Variants in DTNB observed in about 807,000 individuals in gnomAD.
DTNB encodes the protein DTN-B.
In DTNB, 63 loss-of-function variants were observed where a neutral mutation model predicts 90.7. The observed-to-expected ratio is 0.69, with a 90% CI of 0.57 to 0.86. The LOEUF (loss-of-function observed/expected upper bound fraction) is 0.86, where lower values mean the gene tolerates loss of function less well. Among genes scored for constraint, DTNB ranks in the 40% least tolerant of loss-of-function variants. The probability of loss-of-function intolerance (pLI) is 0.00; values close to 1 mark genes in which losing one functional copy is unlikely to be tolerated. For missense variants in DTNB, 744 were observed against 807.1 expected (o/e 0.92, Z 0.95); for synonymous variants, 277 against 286.7 (o/e 0.97, Z 0.34).
At chr2:25,669,883 C>A (rs968872616) in intron 1 of DTNB, among the ~76,000 whole-genome samples, 1 of 149,138 alleles carries the variant, frequency 6.7e-6, no homozygotes, top group East Asian at 2.0e-4. Context: ...CCAGTCTGGG[C>A]GACAGAGGAA....
chr2:25,654,203 A>G (rs1186933922), intron 1 of DTNB, among the ~76,000 whole-genome samples: 1 of 152,232 alleles, frequency 6.6e-6, no homozygotes, highest in Non-Finnish European at 1.5e-5. Flanking sequence ...TTAAAGCAAT[A>G]TAACTCCCTG....
At chr2:25,414,618 T>C (rs1010490816) in intron 16 of DTNB, among the ~76,000 whole-genome samples, 1 of 152,160 alleles carries the variant, frequency 6.6e-6, no homozygotes, top group African/African-American at 2.4e-5. Context: ...TGGGAGTGCC[T>C]TGAGCAAAAT....
chr2:25,521,999 T>C (rs1156649462), intron 9 of DTNB, among the ~76,000 whole-genome samples: 1 of 152,212 alleles, frequency 6.6e-6, no homozygotes. Context: ...TAACCACTAA[T>C]TAAAGAGATT....
intron 8 of DTNB, among the ~76,000 whole-genome samples, chr2:25,564,363 C>G (rs1251576410): frequency 1.3e-5 from 2 of 151,856 alleles, no homozygotes; most frequent in Non-Finnish European, 2.9e-5. Flanking sequence ...TGTCTATTTC[C>G]TTAGGTCTTA....
chr2:25,568,903 T>C (rs1218948628), intron 8 of DTNB, among the ~76,000 whole-genome samples: 1 of 152,162 alleles, frequency 6.6e-6, no homozygotes, highest in East Asian at 1.9e-4. Context: ...GCTGCACTCC[T>C]CCCACCGCCT....
chr2:25,434,020 G>T (rs771675781), intron 12 of DTNB, 25 bp from the exon 13 acceptor site: 1 of 1,359,404 alleles, frequency 7.4e-7, no homozygotes, highest in Non-Finnish European at 1.0e-6. Flanking sequence ...TCGGGAGAAA[G>T]TTTTTTTTTT....
intron 9 of DTNB, among the ~76,000 whole-genome samples, chr2:25,500,186 C>A (rs1191590797): frequency 6.6e-6 from 1 of 152,168 alleles, no homozygotes; most frequent in Non-Finnish European, 1.5e-5. Context: ...CAGGAGTGAG[C>A]CACTGTGCCA....
At chr2:25,535,196 G>C (rs905691314) in intron 8 of DTNB, among the ~76,000 whole-genome samples, 8 of 150,548 alleles carry the variant, frequency 5.3e-5, no homozygotes, top group Non-Finnish European at 8.9e-5. Flanking sequence ...GGGCAGCCGG[G>C]CAGAGGCACT....
intron 1 of DTNB, among the ~76,000 whole-genome samples, chr2:25,660,513 GTGATGGT>G (rs917307109): frequency 8.5e-5 from 13 of 152,160 alleles, no homozygotes; most frequent in African/African-American, 2.9e-4. Flanking sequence ...GAAATTAATA[GTGATGGT>G]TGCACAACTC....
In DTNB at chr2:25,482,842, T is replaced by A; in HGVS notation, c.1033A>T (p.Thr345Ser). 1 of 1,612,326 alleles carries A rather than the reference T, an allele frequency of 6.2e-7. No individual in the cohort carries two copies. The highest frequency in any genetic ancestry group is 8.5e-7 in the Non-Finnish European group (1 of 1,179,474). Residue 345 changes from threonine (T) to serine (S), a missense_variant, in exon 10 of 21, where the codon ACC becomes TCC. By Grantham distance (58) the Thr-to-Ser change is moderately conservative. Transcript: ENST00000406818. ...PPRPLTNMNDTMVSHMSSGVP... is the reference protein window; with the variant it reads ...PPRPLTNMNDSMVSHMSSGVP... Reference sequence around the variant, plus strand: ...CCAGAGGACATGTGGCTAACCATGGTGTCATTCATATTAGTCAGAGGGCGA... The same window carrying A: ...CCAGAGGACATGTGGCTAACCATGGAGTCATTCATATTAGTCAGAGGGCGA...
chr2:25,379,262 G>T, intron 20 of DTNB, 28 bp downstream of exon 20: 1 of 1,325,522 alleles, frequency 7.5e-7, no homozygotes, highest in Non-Finnish European at 9.7e-7. Flanking sequence ...GAGGGGCCGT[G>T]GGGAGGCAGA....
chr2:25,613,411 T>G (rs957071981), intron 4 of DTNB, among the ~76,000 whole-genome samples: 14 of 152,176 alleles, frequency 9.2e-5, no homozygotes, highest in Non-Finnish European at 1.9e-4. Context: ...GTCCCCACTC[T>G]AGCAGTCCCC....
At chr2:25,531,105 A>G (rs1021805632) in intron 9 of DTNB, among the ~76,000 whole-genome samples, 2 of 152,226 alleles carry the variant, frequency 1.3e-5, no homozygotes, top group African/African-American at 4.8e-5. Flanking sequence ...TGTTGTCTAC[A>G]TTAATTTAAG....
At chr2:25,645,256 G>A (rs947297992) in intron 2 of DTNB, among the ~76,000 whole-genome samples, 3 of 151,260 alleles carry the variant, frequency 2.0e-5, no homozygotes, top group African/African-American at 4.9e-5. Flanking sequence ...GGTGGTGCAC[G>A]CCTGTAATCC....
chr2:25,409,051 G>A (rs2045977050), intron 16 of DTNB, among the ~76,000 whole-genome samples: 2 of 152,190 alleles, frequency 1.3e-5, no homozygotes, highest in African/African-American at 4.8e-5. Flanking sequence ...GGGCATCAGG[G>A]ATGCAGCTGA....
intron 9 of DTNB, among the ~76,000 whole-genome samples, chr2:25,503,011 G>A (rs1309213867): frequency 7.9e-6 from 1 of 126,838 alleles, no homozygotes; most frequent in Admixed American, 9.8e-5. Context: ...CCATGATTGT[G>A]CCTCTGCATT....
chr2:25,627,196 T>C (rs2074363170), intron 4 of DTNB, among the ~76,000 whole-genome samples: 2 of 152,184 alleles, frequency 1.3e-5, no homozygotes, highest in Admixed American at 1.3e-4. Context: ...GCGGATCACC[T>C]GAGGTCGGGA....
intron 8 of DTNB, among the ~76,000 whole-genome samples, chr2:25,567,390 G>A (rs1006197749): frequency 5.3e-5 from 8 of 152,158 alleles, no homozygotes; most frequent in African/African-American, 1.4e-4. Flanking sequence ...GGTCTGTCAC[G>A]AGAAAATTTG....
At chr2:25,422,692 C>T (rs759881742) in intron 15 of DTNB, among the ~76,000 whole-genome samples, 15 of 152,118 alleles carry the variant, frequency 9.9e-5, no homozygotes, top group Middle Eastern at 3.2e-3. Flanking sequence ...GCCACCACGC[C>T]TGGCCTGGTA....
Sources: allele counts gnomAD v4.1 joint callset (sites outside exome capture counted in the v4.1 genomes callset), GRCh38; gene constraint gnomAD v4.1.1; transcripts MANE v1.5; gene names NCBI Gene and HGNC (gene_info 2026-07-23, HGNC 2026-07-21).